Variants in COL25A1 observed in about 807,000 individuals in gnomAD.
COL25A1 encodes the protein collagen type XXV alpha 1 chain.
A neutral mutation model predicts 128.4 loss-of-function variants in COL25A1; 103 were observed. That is an observed-to-expected ratio of 0.80 (90% confidence interval 0.68 to 0.94). The LOEUF is 0.94. COL25A1 is among the 40% of genes least tolerant of loss of function. The pLI is 0.00. For synonymous variants in COL25A1, 279 were observed against 277.2 expected, an observed-to-expected ratio of 1.01 and a Z score of -0.06; for missense variants, 745 against 840.0, an observed-to-expected ratio of 0.89 and a Z score of 1.40.
chr4:108,870,865 G>A (rs1738624176), intron 19 of COL25A1, among the ~76,000 whole-genome samples: 1 of 151,980 alleles, frequency 6.6e-6, no homozygotes, highest in Non-Finnish European at 1.5e-5. Flanking sequence ...AAGTTTACAC[G>A]GAAACCAGAA....
intron 3 of COL25A1, among the ~76,000 whole-genome samples, chr4:109,240,490 A>C (rs1468897024): frequency 4.6e-5 from 7 of 152,054 alleles, no homozygotes; most frequent in Non-Finnish European, 2.9e-5. Context: ...CTTCTCATTA[A>C]TATATGTCTA....
chr4:109,149,472 A>G (rs1355786713), intron 3 of COL25A1, among the ~76,000 whole-genome samples: 1 of 152,190 alleles, frequency 6.6e-6, no homozygotes, highest in African/African-American at 2.4e-5. Context: ...ACTCAAATAC[A>G]TAACAGTGCT....
At position 108,941,403 on chromosome 4, in the gene COL25A1, G is replaced by T. The variant is rs370983675; in HGVS notation, c.527C>A (p.Ser176Tyr). 4 of 1,614,062 alleles carry T rather than the reference G, an allele frequency of 2.5e-6. No homozygotes were observed. The highest frequency in any genetic ancestry group is 3.4e-6 in the Non-Finnish European group (4 of 1,179,938). The change falls in exon 9 of 38, where the codon TCT becomes TAT. Residue 176 changes from serine to tyrosine, a missense_variant. Coordinates refer to ENST00000399132, the MANE Select transcript of COL25A1 (RefSeq NM_198721.4). ...GCGTTTAATGAGCTGCTGATCAGCAGAGAGAAACCCATGATTGATTTTAGG... is the reference window on the plus strand; with the variant it reads ...GCGTTTAATGAGCTGCTGATCAGCATAGAGAAACCCATGATTGATTTTAGG... ...VFPKINHGFL[S>Y]ADQQLIKRRL...
At chr4:109,234,857 T>C (rs979060895) in intron 3 of COL25A1, among the ~76,000 whole-genome samples, 1 of 152,030 alleles carries the variant, frequency 6.6e-6, no homozygotes, top group Non-Finnish European at 1.5e-5. Flanking sequence ...TAAATACCAG[T>C]AGCCTCAAAA....
At chr4:109,152,596 C>T (rs1213713845) in intron 3 of COL25A1, among the ~76,000 whole-genome samples, 1 of 152,024 alleles carries the variant, frequency 6.6e-6, no homozygotes, top group African/African-American at 2.4e-5. Flanking sequence ...TTCACAAAAG[C>T]CAAAAGCTGA....
chr4:109,069,211 T>G (rs942232841), intron 3 of COL25A1, among the ~76,000 whole-genome samples: 1 of 151,632 alleles, frequency 6.6e-6, no homozygotes, highest in East Asian at 1.9e-4. Context: ...CCTAATTAGT[T>G]TTCTTTTTTT....
Position 108,862,118 on chromosome 4 carries a change from G to A in COL25A1, c.1197+383C>T, listed in dbSNP as rs192781655. On this transcript the variant is annotated intron_variant, in intron 22 of 37. Coordinates refer to ENST00000399132, the MANE Select transcript of COL25A1 (RefSeq NM_198721.4). ...GGCAGTAGAATTTTAATGCAACGAA[G>A]GGAGTCAACTAAAAAGCAGAGTATA... Among the ~76,000 whole-genome samples, 53 of 152,216 alleles carry A rather than the reference G, an allele frequency of 3.5e-4. No homozygotes were observed. The East Asian group carries it at 0.01, about 29-fold the overall frequency.
At chr4:108,871,937 T>C (rs962836738) in intron 19 of COL25A1, among the ~76,000 whole-genome samples, 2 of 152,212 alleles carry the variant, frequency 1.3e-5, no homozygotes, top group African/African-American at 4.8e-5. Context: ...CTCATGGTGT[T>C]CAGCTAGTTG....
chr4:109,225,996 T>TACACACACACAC (rs10642927), intron 3 of COL25A1, among the ~76,000 whole-genome samples: 42 of 147,062 alleles, frequency 2.9e-4, no homozygotes, highest in African/African-American at 9.5e-4. Context: ...GTATTTGTAA[T>TACACACACACAC]ACACACACAC....
At chr4:109,209,227 C>T (rs1477545925) in intron 3 of COL25A1, among the ~76,000 whole-genome samples, 1 of 152,066 alleles carries the variant, frequency 6.6e-6, no homozygotes, top group Non-Finnish European at 1.5e-5. Flanking sequence ...TCAGAATAAG[C>T]TAGTATCTAT....
chr4:108,961,171 T>C (rs1300169358), intron 8 of COL25A1, among the ~76,000 whole-genome samples: 1 of 152,210 alleles, frequency 6.6e-6, no homozygotes, highest in Non-Finnish European at 1.5e-5. Flanking sequence ...GGTTCACATT[T>C]GTGCATGTTT....
At chr4:108,974,492 T>C (rs766148887) in intron 7 of COL25A1, 41 bp downstream of exon 7, 25 of 1,609,594 alleles carry the variant, frequency 1.6e-5, no homozygotes, top group Non-Finnish European at 2.0e-5. Flanking sequence ...CACGCCAATA[T>C]GGATCTTCAC....
At chr4:108,991,270 C>T (rs938522064) in intron 6 of COL25A1, among the ~76,000 whole-genome samples, 3 of 152,052 alleles carry the variant, frequency 2.0e-5, no homozygotes, top group Non-Finnish European at 4.4e-5. Flanking sequence ...AATTCTTCAG[C>T]TAATTTCAGT....
chr4:108,997,896 C>T (rs1387088604), intron 6 of COL25A1, among the ~76,000 whole-genome samples: 4 of 152,120 alleles, frequency 2.6e-5, no homozygotes, highest in Non-Finnish European at 5.9e-5. Flanking sequence ...TCAATTGATG[C>T]AGAAAAGGCT....
chr4:109,132,512 G>A (rs1007716655), intron 3 of COL25A1, among the ~76,000 whole-genome samples: 3 of 151,984 alleles, frequency 2.0e-5, no homozygotes, highest in African/African-American at 7.3e-5. Flanking sequence ...AGGCTATTTC[G>A]TAATTTGATT....
chr4:109,083,706 C>T (rs1457744914), intron 3 of COL25A1, among the ~76,000 whole-genome samples: 5 of 151,780 alleles, frequency 3.3e-5, no homozygotes, highest in South Asian at 4.1e-4. Context: ...TTAGGTAATC[C>T]GCCCGCCTCA....
chr4:109,290,374 T>C (rs1177306472), intron 3 of COL25A1, among the ~76,000 whole-genome samples: 2 of 152,066 alleles, frequency 1.3e-5, no homozygotes, highest in Non-Finnish European at 2.9e-5. Flanking sequence ...TCCTCAGAAA[T>C]AGCTAAAGCT....
chr4:108,889,829 G>A (rs573431663), intron 16 of COL25A1, 96 bp from the exon 17 acceptor site: 60 of 1,074,716 alleles, frequency 5.6e-5, no homozygotes, highest in Non-Finnish European at 8.1e-5. Flanking sequence ...GTACTCAAAG[G>A]GTATCTCATG....
intron 6 of COL25A1, among the ~76,000 whole-genome samples, chr4:108,975,501 T>C (rs1372109418): frequency 2.0e-5 from 3 of 152,208 alleles, no homozygotes; most frequent in African/African-American, 7.2e-5. Flanking sequence ...TGTGAAAATG[T>C]ATATTCATTT....
Sources: allele counts gnomAD v4.1 joint callset (sites outside exome capture counted in the v4.1 genomes callset), GRCh38; gene constraint gnomAD v4.1.1; transcripts MANE v1.5; gene names NCBI Gene and HGNC (gene_info 2026-07-23, HGNC 2026-07-21).